The following TNNT3 variants were observed in gnomAD, a reference collection of about 807,000 sequenced individuals.
TNNT3 encodes troponin T, fast skeletal muscle.
In TNNT3, 36 loss-of-function variants were observed where a neutral mutation model predicts 54.2. The observed-to-expected ratio is 0.66, with a 90% CI of 0.51 to 0.88. The LOEUF is 0.88. Ranked by LOEUF, TNNT3 falls within the 40% of genes least tolerant of loss-of-function variation. TNNT3 has a pLI of 0.00. For synonymous variants in TNNT3, 120 were observed against 109.7 expected (o/e 1.09, Z -0.59); for missense variants, 291 against 331.6 (o/e 0.88, Z 0.95).
At chr11:1,925,378 G>T (rs1284664884) in intron 5 of TNNT3, 1 of 1,392,964 alleles carries the variant, frequency 7.2e-7, no homozygotes, top group Non-Finnish European at 9.9e-7. Flanking sequence ...AAGCCACGAG[G>T]TACCAGCCAG....
chr11:1,935,063 G>A (rs560226974), intron 14 of TNNT3, 144 bp downstream of exon 14: 15 of 791,656 alleles, frequency 1.9e-5, no homozygotes, highest in East Asian at 1.6e-4. Context: ...CTGTTGCCAC[G>A]GACCCCTGGC....
rs1251567359 is a variant in TNNT3, at chr11:1,925,121, G to A, written c.67+5G>A. On this transcript the variant is annotated splice_donor_5th_base_variant and intron_variant, in intron 5 of 15. Transcript: ENST00000278317. Reference sequence around the variant, plus strand: ...CAGAGGAAGCCCAGGAGGAAGGTAAGTGGGGTCCAAGGCCCCGGCCCCCAT... The same window carrying A: ...CAGAGGAAGCCCAGGAGGAAGGTAAATGGGGTCCAAGGCCCCGGCCCCCAT... The A allele has an allele frequency of 6.2e-7, 1 of 1,612,896 alleles. No homozygotes were observed. The highest frequency in any genetic ancestry group is 2.2e-5 in the East Asian group (1 of 44,868).
intron 5 of TNNT3, 112 bp downstream of exon 5, chr11:1,925,228 C>T (rs762008085): frequency 6.2e-7 from 1 of 1,607,852 alleles, no homozygotes. Flanking sequence ...CTGTCTAACC[C>T]TCTCCTCTCT....
chr11:1,932,637 A>C, intron 9 of TNNT3, 123 bp downstream of exon 9: 5 of 894,018 alleles, frequency 5.6e-6, no homozygotes, highest in Non-Finnish European at 9.3e-6. Flanking sequence ...GGGTCTGGGC[A>C]ATTCTACCAT....
chr11:1,928,103 C>T (rs1297543237), intron 6 of TNNT3: 1 of 153,130 alleles, frequency 6.5e-6, no homozygotes, highest in Admixed American at 6.5e-5. Context: ...AAGGCAGGAC[C>T]CCCACCCCCG....
In TNNT3 at chr11:1,932,450, C is replaced by T; in HGVS notation, c.126-19C>T. On this transcript the variant is annotated intron_variant, in intron 8 of 15. Transcript: ENST00000278317. ...GGTCTCCGGGTCTCTGCTCACGGGC[C>T]TCTCTGTCTCCTCTTCAGACTCACT... is the stretch of plus-strand genomic sequence containing the variant. 3.7e-6 allele frequency: 6 copies of T among 1,613,428 alleles called. No homozygotes were observed. The highest frequency in any genetic ancestry group is 5.1e-6 in the Non-Finnish European group (6 of 1,179,842).
intron 14 of TNNT3, chr11:1,936,172 C>G (rs186387221): frequency 6.2e-7 from 1 of 1,613,062 alleles, no homozygotes; most frequent in East Asian, 2.2e-5. Context: ...CCTCGATGCC[C>G]CAGCCGCCCA....
At position 1,929,181 on chromosome 11, in the gene TNNT3, TG is replaced by T. The variant is rs752924095; in HGVS notation, c.106+40del. ...CCCTGCCGCCGGAGGTGCAGGACCC[TG>T]GCTCTAGCCGACGCGAGGGAAAGAG... On this transcript the variant is annotated intron_variant, in intron 7 of 15. Coordinates refer to ENST00000278317, the MANE Select transcript of TNNT3 (RefSeq NM_006757.4). 200 of 1,610,842 alleles carry T rather than the reference TG, an allele frequency of 1.2e-4. No individual in the cohort carries two copies. In the African/African-American group the frequency reaches 2.3e-3, roughly 19 times the overall value.
chr11:1,934,485 G>A (rs377139280), intron 12 of TNNT3, 40 bp downstream of exon 12: 2 of 1,609,446 alleles, frequency 1.2e-6, no homozygotes, highest in Non-Finnish European at 1.7e-6. Flanking sequence ...AGCCTTCAGT[G>A]TGGGCTACGC....
At position 1,934,024 on chromosome 11, in the gene TNNT3, G is replaced by A. The variant is rs376983580; in HGVS notation, c.366+16G>A. ...CAGACTGGCGGTGAGGGCACCATCCGCACTGCTGCCTCATCAGAGAATGAG... is the reference window on the plus strand; with the variant it reads ...CAGACTGGCGGTGAGGGCACCATCCACACTGCTGCCTCATCAGAGAATGAG... On this transcript the variant is annotated intron_variant, in intron 11 of 15. Coordinates refer to ENST00000278317, the MANE Select transcript of TNNT3 (RefSeq NM_006757.4). 1.1e-5 allele frequency: 18 copies of A among 1,608,574 alleles called. No individual in the cohort carries two copies. The highest frequency in any genetic ancestry group is 4.5e-5 in the East Asian group (2 of 44,838).
chr11:1,921,958 C>A (rs1323864271), intron 1 of TNNT3, among the ~76,000 whole-genome samples: 1 of 152,222 alleles, frequency 6.6e-6, no homozygotes, highest in Non-Finnish European at 1.5e-5. Context: ...ATGGACAGGG[C>A]AGCCAGTCCT....
chr11:1,920,201 T>G (rs894216178), intron 1 of TNNT3, among the ~76,000 whole-genome samples: 1 of 152,152 alleles, frequency 6.6e-6, no homozygotes, highest in African/African-American at 2.4e-5. Flanking sequence ...GTCCTGGCCT[T>G]GCCATGCAGC....
In TNNT3 at chr11:1,925,469, G is replaced by A. The variant is rs1399997640; in HGVS notation, c.67+353G>A. The A allele has an allele frequency of 1.2e-5, 8 of 661,944 alleles. No individual in the cohort carries two copies. In the Admixed American group the frequency reaches 1.4e-4, roughly 12 times the overall value. The allele number at this position is 661,944 out of a possible 1,614,324, so 41.0% of individuals were successfully genotyped here. ...GACCAGAGAGAGAATGGGGTCTCGA[G>A]GGTGGGCCCCCTTCCCCACAGCCCC... On this transcript the variant is annotated intron_variant, in intron 5 of 15. Coordinates refer to ENST00000278317, the MANE Select transcript of TNNT3 (RefSeq NM_006757.4).
chr11:1,937,408 G>A (rs1178897643), intron 15 of TNNT3, among the ~76,000 whole-genome samples: 4 of 152,158 alleles, frequency 2.6e-5, no homozygotes, highest in Non-Finnish European at 5.9e-5. Context: ...CTAGGACAGG[G>A]AATTAAGCAG....
At position 1,934,653 on chromosome 11, in the gene TNNT3, G is replaced by T. The variant is rs2133472237; in HGVS notation, c.588G>T (p.Leu196=). The T allele has an allele frequency of 6.2e-7, 1 of 1,608,754 alleles. No homozygotes were observed. The highest frequency in any genetic ancestry group is 8.5e-7 in the Non-Finnish European group (1 of 1,178,050). ...TCGATCACCTTGGTGAAGACAAACT[G>T]AGGTGAGGGGTGGGTGTTGTGGGGC... The part of the protein sequence containing the change: ...LNIDHLGEDK[L]RDKAKELWET... The change falls in exon 13 of 16, where the codon CTG becomes CTT. Residue 196 remains leucine (L), a splice_region_variant and synonymous_variant. Coordinates refer to ENST00000278317, the MANE Select transcript of TNNT3 (RefSeq NM_006757.4).
chr11:1,929,799 G>A lies in TNNT3; in HGVS notation c.107-11G>A, dbSNP rs1852796712. On this transcript the variant is annotated splice_polypyrimidine_tract_variant and intron_variant, in intron 7 of 15. Transcript: ENST00000278317. ...GTGTCCCTCTCCCTACGCTGGTGCT[G>A]TGTGGACCAGAGGAGAAACCGAGAC... 1.3e-6 allele frequency: 2 copies of A among 1,551,734 alleles called. No individual in the cohort carries two copies. The highest frequency in any genetic ancestry group is 8.7e-7 in the Non-Finnish European group (1 of 1,147,168).
Position 1,938,570 on chromosome 11 carries a change from T to A in TNNT3, c.*78T>A, listed in dbSNP as rs769901804. The A allele has an allele frequency of 3.6e-5, 52 of 1,445,444 alleles. No homozygotes were observed. The highest frequency in any genetic ancestry group is 5.0e-5 in the Non-Finnish European group (52 of 1,039,428). The allele number at this position is 1,445,444 out of a possible 1,614,324, so 89.5% of individuals were successfully genotyped here. On this transcript the variant is annotated 3_prime_UTR_variant, in exon 16 of 16. Transcript: ENST00000278317. Reference sequence around the variant, plus strand: ...GGGCCGCTCGTGGGACTCCACATCCTCCAGCCCCCACAATCCTGTCAGGGG... The same window carrying A: ...GGGCCGCTCGTGGGACTCCACATCCACCAGCCCCCACAATCCTGTCAGGGG...
In TNNT3 at chr11:1,923,052, C is replaced by CAGGT. The variant is rs1196665514; in HGVS notation, c.23_26dup (p.Glu10GlyfsTer39). On this transcript the variant is annotated frameshift_variant, in exon 3 of 16. Transcript: ENST00000278317. LOFTEE classifies it high-confidence loss of function. ...CTCTCTCTCCCTGCCCCACAGTGAA[C>CAGGT]AGGTGGAGGGTAAGTGTAACAGCCA... 6.2e-7 allele frequency: 1 copy of CAGGT among 1,613,884 alleles called. No individual in the cohort carries two copies. The highest frequency in any genetic ancestry group is 8.5e-7 in the Non-Finnish European group (1 of 1,180,010).
chr11:1,938,347 G>A, intron 15 of TNNT3, 91 bp from the exon 16 acceptor site: 2 of 1,408,576 alleles, frequency 1.4e-6, no homozygotes, highest in African/African-American at 1.4e-5. Flanking sequence ...AGCAGCCTGG[G>A]GTCGGGCTGA....
Sources: gnomAD v4.1 joint callset for allele counts (sites outside exome capture counted in the v4.1 genomes callset) on GRCh38, gnomAD v4.1.1 for gene constraint, MANE v1.5 for transcripts, NCBI Gene and HGNC (gene_info 2026-07-23, HGNC 2026-07-21) for gene names.